The following PDE7B variants were observed in gnomAD, a reference collection of about 807,000 sequenced individuals.
The protein encoded by PDE7B is phosphodiesterase 7B.
PDE7B carries 29 observed loss-of-function variants against 56.2 expected under a neutral mutation model. That is an observed-to-expected ratio of 0.52 (90% CI 0.38 to 0.70). PDE7B has a LOEUF of 0.70. Ranked by LOEUF, PDE7B falls within the 30% of genes least tolerant of loss-of-function variation. The pLI is 0.00. For synonymous variants in PDE7B, 197 were observed against 196.9 expected, an observed-to-expected ratio of 1.00 and a Z score of 0.00; for missense variants, 490 against 565.0, an observed-to-expected ratio of 0.87 and a Z score of 1.35.
intron 8 of PDE7B, among the ~76,000 whole-genome samples, chr6:136,169,271 T>G (rs1157524005): frequency 6.6e-6 from 1 of 152,130 alleles, no homozygotes; most frequent in Non-Finnish European, 1.5e-5. Flanking sequence ...GGTGCCCCTA[T>G]TTCCACCGCG....
At chr6:136,110,367 T>TC (rs2128442138) in intron 3 of PDE7B, among the ~76,000 whole-genome samples, 1 of 152,166 alleles carries the variant, frequency 6.6e-6, no homozygotes, top group South Asian at 2.1e-4. Flanking sequence ...GATTTCCAGG[T>TC]CCTAGGCATG....
intron 3 of PDE7B, among the ~76,000 whole-genome samples, chr6:136,122,227 C>A (rs371439074): frequency 5.5e-4 from 83 of 152,064 alleles, no homozygotes; most frequent in African/African-American, 2.0e-3. Flanking sequence ...GATCTCCTGA[C>A]CCCATGATCC....
In PDE7B at chr6:136,067,824, G is replaced by A. The variant is rs572324259; in HGVS notation, c.83-40907G>A. On this transcript the variant is annotated intron_variant, in intron 2 of 12. Coordinates refer to ENST00000308191, the MANE Select transcript of PDE7B (RefSeq NM_018945.4). ...CTAATTGGAGTTTGCATAATCTACCGCCAAATTGCAAGCATTCCTTTGAGA... is the reference window on the plus strand; with the variant it reads ...CTAATTGGAGTTTGCATAATCTACCACCAAATTGCAAGCATTCCTTTGAGA... Among the ~76,000 whole-genome samples the A allele has an allele frequency of 1.1e-3, 163 of 152,188 alleles. 2 individuals carry two copies. Among genetic ancestry groups the A allele is most frequent in the Middle Eastern group, 6.8e-3 (2 of 294 alleles).
chr6:135,960,351 A>G (rs1173588548), intron 2 of PDE7B, among the ~76,000 whole-genome samples: 2 of 152,204 alleles, frequency 1.3e-5, no homozygotes, highest in Admixed American at 6.5e-5. Context: ...TTACTTTCCT[A>G]TGGAAAAGTT....
intron 9 of PDE7B, among the ~76,000 whole-genome samples, 178 bp downstream of exon 9, chr6:136,174,066 A>G (rs1324902038): frequency 6.6e-6 from 1 of 152,158 alleles, no homozygotes; most frequent in East Asian, 1.9e-4. Context: ...CCCAGAAACC[A>G]AAATCTCTCT....
intron 2 of PDE7B, among the ~76,000 whole-genome samples, chr6:135,996,957 A>G (rs1775575672): frequency 6.6e-6 from 1 of 152,184 alleles, no homozygotes; most frequent in Non-Finnish European, 1.5e-5. Context: ...ACTGTGATCA[A>G]CTGTTAAATC....
At chr6:136,188,150 G>A (rs567329585) in intron 12 of PDE7B, among the ~76,000 whole-genome samples, 21 of 152,224 alleles carry the variant, frequency 1.4e-4, no homozygotes, top group Admixed American at 5.9e-4. Context: ...CTAATCCACC[G>A]TCCCACAGTG....
Position 135,935,190 on chromosome 6 carries a change from T to TTATATATATATATATA in PDE7B, c.22-12262_22-12247dup, listed in dbSNP as rs60829896. Among the ~76,000 whole-genome samples, 106 of 36,182 alleles carry TTATATATATATATATA rather than the reference T, an allele frequency of 2.9e-3. 6 individuals carry two copies. The highest frequency in any genetic ancestry group is 0.011 in the African/African-American group (88 of 8,352). 23.7% of individuals were successfully genotyped at this position (36,182 alleles called of 152,430 possible). A position where few individuals can be genotyped will look rare whatever the true frequency, so the allele number is the denominator to read the frequency against. ...GAGAATTTTATATATATATATTTATTTATATATATATATATATATATATAT... is the reference window on the plus strand; with the variant it reads ...GAGAATTTTATATATATATATTTATTTATATATATATATATATATATATATATATATATATATATAT... On this transcript the variant is annotated intron_variant, in intron 1 of 12. Coordinates refer to ENST00000308191, the MANE Select transcript of PDE7B (RefSeq NM_018945.4).
intron 2 of PDE7B, among the ~76,000 whole-genome samples, chr6:136,041,858 G>A (rs1776420453): frequency 6.6e-6 from 1 of 152,106 alleles, no homozygotes; most frequent in African/African-American, 2.4e-5. Context: ...AAGGCATCCG[G>A]GATCACACAC....
chr6:136,063,762 C>T (rs754371796), intron 2 of PDE7B, among the ~76,000 whole-genome samples: 16 of 152,184 alleles, frequency 1.1e-4, no homozygotes, highest in African/African-American at 2.2e-4. Flanking sequence ...TGCCTCTGAA[C>T]GTTTACTCAA....
At chr6:136,053,214 C>T (rs1175595199) in intron 2 of PDE7B, among the ~76,000 whole-genome samples, 1 of 118,590 alleles carries the variant, frequency 8.4e-6, no homozygotes, top group East Asian at 3.0e-4. Flanking sequence ...CCCCCCTCCC[C>T]CCACCCCACA....
intron 8 of PDE7B, among the ~76,000 whole-genome samples, chr6:136,156,631 G>T (rs534781813): frequency 8.5e-5 from 13 of 152,272 alleles, no homozygotes; most frequent in African/African-American, 2.2e-4. Context: ...GGAGGCTATA[G>T]ATCCATGTCT....
chr6:136,077,682 G>T (rs144229985), intron 2 of PDE7B, among the ~76,000 whole-genome samples: 1 of 152,272 alleles, frequency 6.6e-6, no homozygotes, highest in East Asian at 1.9e-4. Context: ...CCAAAAGGCA[G>T]AATTTTACAA....
intron 1 of PDE7B, among the ~76,000 whole-genome samples, chr6:135,926,236 G>A (rs1018075838): frequency 1.5e-4 from 23 of 151,872 alleles, no homozygotes; most frequent in South Asian, 6.2e-4. Context: ...ACAGGCACCC[G>A]CCACCACGCC....
intron 2 of PDE7B, among the ~76,000 whole-genome samples, chr6:136,051,712 C>A (rs1776631951): frequency 6.6e-6 from 1 of 152,190 alleles, no homozygotes; most frequent in South Asian, 2.1e-4. Flanking sequence ...CTGGGCAACT[C>A]ATCTACGGCC....
chr6:136,100,302 C>A (rs1314818298), intron 2 of PDE7B, among the ~76,000 whole-genome samples: 1 of 152,146 alleles, frequency 6.6e-6, no homozygotes, highest in Non-Finnish European at 1.5e-5. Flanking sequence ...TTTTCCAATT[C>A]TGTGAAGAAA....
intron 2 of PDE7B, among the ~76,000 whole-genome samples, chr6:135,959,847 C>T (rs1015191321): frequency 2.6e-5 from 4 of 152,184 alleles, no homozygotes; most frequent in South Asian, 2.1e-4. Flanking sequence ...GATCAGAGCT[C>T]GCTGCCTCCT....
At chr6:135,978,576 C>T (rs1775233343) in intron 2 of PDE7B, among the ~76,000 whole-genome samples, 1 of 151,914 alleles carries the variant, frequency 6.6e-6, no homozygotes, top group Non-Finnish European at 1.5e-5. Context: ...TCTTATAATA[C>T]TTTTTTACTC....
intron 1 of PDE7B, among the ~76,000 whole-genome samples, chr6:135,858,444 C>T (rs1175567122): frequency 6.6e-6 from 1 of 152,164 alleles, no homozygotes; most frequent in African/African-American, 2.4e-5. Context: ...TAAGCCACCA[C>T]GTCCAGCCTG....
Sources: allele counts gnomAD v4.1 joint callset (sites outside exome capture counted in the v4.1 genomes callset), GRCh38; gene constraint gnomAD v4.1.1; transcripts MANE v1.5; gene names NCBI Gene and HGNC (gene_info 2026-07-23, HGNC 2026-07-21).